The following TMEM130 variants were observed in gnomAD, a reference collection of about 807,000 sequenced individuals.
The protein encoded by TMEM130 is transmembrane protein 130.
In TMEM130, 37 loss-of-function variants were observed where a neutral mutation model predicts 42.9. The ratio of observed to expected loss-of-function variants is 0.86; its 90% CI spans 0.66 to 1.13. TMEM130 has a LOEUF of 1.13. Ranked by LOEUF, TMEM130 falls within the 50% of genes most tolerant of loss-of-function variation. The pLI is 0.00. For synonymous variants in TMEM130, 259 were observed against 237.7 expected, an observed-to-expected ratio of 1.09 and a Z score of -0.82; for missense variants, 545 against 562.6, an observed-to-expected ratio of 0.97 and a Z score of 0.32.
chr7:98,869,671 G>A lies in TMEM130; in HGVS notation c.85+106C>T, dbSNP rs1348087918. The stretch of plus-strand genomic sequence containing the variant: ...GAGGGAGATGCGCGCAGGGCGCACG[G>A]TGCCACCTCCGCAATCCCTGCTCCC... On this transcript the variant is annotated intron_variant, in intron 1 of 7. Transcript: ENST00000339375. The surrounding 1 kb of genome is among the most constrained non-coding windows in gnomAD (Gnocchi z 4.7). 2 of 835,156 alleles carry A rather than the reference G, an allele frequency of 2.4e-6. No individual in the cohort carries two copies. The highest frequency in any genetic ancestry group is 3.6e-5 in the African/African-American group (2 of 55,810). 51.7% of individuals were successfully genotyped at this position (835,156 alleles called of 1,614,324 possible). A position where few individuals can be genotyped will look rare whatever the true frequency, so the allele number is the denominator to read the frequency against.
intron 6 of TMEM130, 54 bp downstream of exon 6, chr7:98,851,367 G>T: frequency 6.3e-7 from 1 of 1,578,140 alleles, no homozygotes; most frequent in Non-Finnish European, 8.7e-7. Flanking sequence ...TGGCAGGATG[G>T]ACAGGCTTGT....
chr7:98,861,333 G>A (rs147886080), intron 2 of TMEM130, among the ~76,000 whole-genome samples: 4,230 of 152,038 alleles, frequency 0.028, 85 homozygotes, highest in South Asian at 0.054. Flanking sequence ...GCAAGACTCC[G>A]TCTCAAAAAG....
At chr7:98,859,733 T>TAAA (rs1794715088) in intron 3 of TMEM130, among the ~76,000 whole-genome samples, 1 of 148,860 alleles carries the variant, frequency 6.7e-6, no homozygotes, top group African/African-American at 2.5e-5. Context: ...AATAAATAAA[T>TAAA]TAATTAATTA....
chr7:98,869,379 C>A lies in TMEM130; in HGVS notation c.85+398G>T. The A allele has an allele frequency of 1.7e-6, 2 of 1,194,154 alleles. No homozygotes were observed. The highest frequency in any genetic ancestry group is 2.1e-6 in the Non-Finnish European group (2 of 950,214). The allele number at this position is 1,194,154 out of a possible 1,614,324, so 74.0% of individuals were successfully genotyped here. Reference sequence around the variant, plus strand: ...AAAAACGTTGCCCATCCCGTGCTCCCTGGGGGACTGGGGAATTGTGGCGCG... The same window carrying A: ...AAAAACGTTGCCCATCCCGTGCTCCATGGGGGACTGGGGAATTGTGGCGCG... On this transcript the variant is annotated intron_variant, in intron 1 of 7. Coordinates refer to ENST00000339375, the MANE Select transcript of TMEM130 (RefSeq NM_152913.3). The surrounding 1 kb of genome is among the most constrained non-coding windows in gnomAD (Gnocchi z 4.7).
At chr7:98,850,189 G>T (rs1794454177) in intron 6 of TMEM130, among the ~76,000 whole-genome samples, 1 of 142,206 alleles carries the variant, frequency 7.0e-6, no homozygotes, top group African/African-American at 2.6e-5. Flanking sequence ...GCATAGCAGA[G>T]ACCTACAGGC....
At chr7:98,856,287 T>C (rs1364685425) in intron 3 of TMEM130, 104 bp from the exon 4 acceptor site, 1 of 1,144,400 alleles carries the variant, frequency 8.7e-7, no homozygotes, top group Non-Finnish European at 1.3e-6. Context: ...CAGGGGAGGC[T>C]GTACAGTGAT....
At chr7:98,861,110 A>G (rs1175124361) in intron 2 of TMEM130, among the ~76,000 whole-genome samples, 2 of 152,014 alleles carry the variant, frequency 1.3e-5, no homozygotes, top group Non-Finnish European at 2.9e-5. Context: ...CAACACGGGC[A>G]GATCACGAGG....
Position 98,851,433 on chromosome 7 carries a change from C to A in TMEM130, c.994G>T (p.Val332Leu). Reference protein sequence around the residue: ...SKTHQYHKIQVWPSRIQPAVF... With the variant: ...SKTHQYHKIQLWPSRIQPAVF... ...AGGTGTCACTTACTGGAGGGCCACACCTGGATCTTGTGGTACTGATGTGTC... is the reference window on the plus strand; with the variant it reads ...AGGTGTCACTTACTGGAGGGCCACAACTGGATCTTGTGGTACTGATGTGTC... The change falls in exon 6 of 8, where the codon GTG becomes TTG. Residue 332 changes from valine (V) to leucine (L), a missense_variant. Transcript: ENST00000339375. 1 of 1,614,048 alleles carries A rather than the reference C, an allele frequency of 6.2e-7. No individual in the cohort carries two copies. The highest frequency in any genetic ancestry group is 1.7e-5 in the Admixed American group (1 of 59,992).
chr7:98,868,492 C>G (rs973350385), intron 1 of TMEM130, among the ~76,000 whole-genome samples: 7 of 152,196 alleles, frequency 4.6e-5, no homozygotes, highest in Non-Finnish European at 7.3e-5. Flanking sequence ...AATATGCAGA[C>G]TACCCAAAAC....
Position 98,848,218 on chromosome 7 carries a change from C to T in TMEM130, c.1120-10G>A, listed in dbSNP as rs1794406608. 1 of 1,613,894 alleles carries T rather than the reference C, an allele frequency of 6.2e-7. No individual in the cohort carries two copies. ...AGGGTGGCTCCGGGTTCTTGTCAGA[C>T]ATGGGGGAAAAGTCAAAATCAGCCA... On this transcript the variant is annotated splice_polypyrimidine_tract_variant and intron_variant, in intron 7 of 7. Transcript: ENST00000339375.
At chr7:98,858,438 A>G (rs1437604058) in intron 3 of TMEM130, among the ~76,000 whole-genome samples, 1 of 152,030 alleles carries the variant, frequency 6.6e-6, no homozygotes, top group African/African-American at 2.4e-5. Flanking sequence ...GCTACTCGAG[A>G]GGTCGAGGCA....
At chr7:98,862,270 GAGAC>G (rs1335774946) in intron 2 of TMEM130, among the ~76,000 whole-genome samples, 4 of 144,948 alleles carry the variant, frequency 2.8e-5, no homozygotes, top group African/African-American at 7.4e-5. Context: ...CAGAGATAAA[GAGAC>G]AGAGACAAAG....
At chr7:98,855,812 G>T (rs1457964710) in intron 4 of TMEM130, among the ~76,000 whole-genome samples, 1 of 152,196 alleles carries the variant, frequency 6.6e-6, no homozygotes, top group Non-Finnish European at 1.5e-5. Context: ...GGGGCACAAG[G>T]GCCGCTCAGC....
chr7:98,864,134 C>T (rs1038651741), intron 1 of TMEM130, among the ~76,000 whole-genome samples: 4 of 152,096 alleles, frequency 2.6e-5, no homozygotes, highest in East Asian at 1.9e-4. Context: ...TCCTGCCAGC[C>T]GGGCAGGGCC....
At chr7:98,851,255 G>A (rs1794496388) in intron 6 of TMEM130, among the ~76,000 whole-genome samples, 166 bp downstream of exon 6, 1 of 152,130 alleles carries the variant, frequency 6.6e-6, no homozygotes, top group South Asian at 2.1e-4. Context: ...GCTGATGTTG[G>A]CGGTCACTGG....
chr7:98,862,149 C>T (rs1233980938), intron 2 of TMEM130, among the ~76,000 whole-genome samples: 1 of 152,016 alleles, frequency 6.6e-6, no homozygotes, highest in African/African-American at 2.4e-5. Flanking sequence ...GACCCAAATG[C>T]AGGTTTATTT....
At chr7:98,862,346 CAG>C (rs147381434) in intron 2 of TMEM130, among the ~76,000 whole-genome samples, 3,753 of 150,598 alleles carry the variant, frequency 0.025, 88 homozygotes, top group Admixed American at 0.038. Context: ...AAAGGGAAAA[CAG>C]AGAGAGAAGG....
intron 3 of TMEM130, among the ~76,000 whole-genome samples, chr7:98,857,709 A>AACAAAT (rs1362112626): frequency 1.1e-4 from 15 of 131,374 alleles, no homozygotes; most frequent in Non-Finnish European, 1.7e-4. Context: ...CAAAAACAGA[A>AACAAAT]ACAAAAACAC....
At position 98,860,185 on chromosome 7, in the gene TMEM130, C is replaced by A. The variant is rs1794732231; in HGVS notation, c.545G>T (p.Gly182Val). The change falls in exon 3 of 8, where the codon GGG becomes GTG. Residue 182 changes from glycine (G) to valine (V), a missense_variant. Gly to Val is a moderately radical substitution (Grantham distance 109). Coordinates refer to ENST00000339375, the MANE Select transcript of TMEM130 (RefSeq NM_152913.3). ...TALFLYSWDF[G>V]DGTQMVTEDS... ...CAGAGGGGTAAGGACCTACCCGTCC[C>A]CGAAGTCCCAGCTGTAGAGAAACAA... 6.2e-7 allele frequency: 1 copy of A among 1,612,460 alleles called. No homozygotes were observed. Among genetic ancestry groups the A allele is most frequent in the Non-Finnish European group, 8.5e-7 (1 of 1,179,056 alleles).
Sources: allele counts gnomAD v4.1 joint callset (sites outside exome capture counted in the v4.1 genomes callset), GRCh38; gene constraint gnomAD v4.1.1; non-coding constraint Gnocchi (gnomAD v3.1); transcripts MANE v1.5; gene names NCBI Gene and HGNC (gene_info 2026-07-23, HGNC 2026-07-21).